The following SGCD variants were observed in gnomAD, a reference collection of about 807,000 sequenced individuals.
SGCD encodes sarcoglycan delta.
SGCD carries 18 observed loss-of-function variants against 36.6 expected under a neutral mutation model. The ratio of observed to expected loss-of-function variants is 0.49; its 90% CI spans 0.34 to 0.73. SGCD has a LOEUF of 0.73. Ranked by LOEUF, SGCD falls within the 30% of genes least tolerant of loss-of-function variation. The pLI, the probability that SGCD is intolerant of heterozygous loss-of-function variation, is 0.01. For missense variants in SGCD, 387 were observed against 346.7 expected, an observed-to-expected ratio of 1.12 and a Z score of -0.92; for synonymous variants, 133 against 130.6, an observed-to-expected ratio of 1.02 and a Z score of -0.12.
chr5:156,129,717 A>G (rs1762264964), intron 3 of SGCD, among the ~76,000 whole-genome samples: 1 of 152,022 alleles, frequency 6.6e-6, no homozygotes. Context: ...TTTAGCTTCC[A>G]CTTATAAGTG....
intron 3 of SGCD, among the ~76,000 whole-genome samples, chr5:156,313,227 G>A (rs1384048971): frequency 1.3e-5 from 2 of 150,716 alleles, no homozygotes; most frequent in African/African-American, 4.9e-5. Flanking sequence ...GTTTCATATG[G>A]TAAAAAAAAA....
intron 1 of SGCD, among the ~76,000 whole-genome samples, chr5:155,939,087 G>A (rs1050740509): frequency 9.2e-5 from 14 of 152,150 alleles, no homozygotes; most frequent in African/African-American, 3.1e-4. Context: ...TTGGTCAAAA[G>A]ATAAAGAATT....
chr5:156,072,792 T>C (rs947626909), intron 1 of SGCD, among the ~76,000 whole-genome samples: 3 of 152,176 alleles, frequency 2.0e-5, no homozygotes, highest in African/African-American at 7.2e-5. Context: ...TTTGGTCTTT[T>C]CACATAGTCC....
intron 5 of SGCD, among the ~76,000 whole-genome samples, chr5:156,592,689 G>A (rs111479338): frequency 1.4e-4 from 21 of 152,136 alleles, no homozygotes; most frequent in South Asian, 2.1e-4. Context: ...AGAGCCCTCC[G>A]CCTTGCCCCC....
At chr5:156,341,456 T>G (rs1419379728) in intron 2 of SGCD, among the ~76,000 whole-genome samples, 1 of 152,186 alleles carries the variant, frequency 6.6e-6, no homozygotes, top group East Asian at 1.9e-4. Context: ...TAGAATCATC[T>G]GGGAGATTTT....
intron 3 of SGCD, among the ~76,000 whole-genome samples, chr5:156,312,364 T>C (rs1175823874): frequency 6.6e-6 from 1 of 152,202 alleles, no homozygotes; most frequent in Non-Finnish European, 1.5e-5. Context: ...CATAAATTTC[T>C]TTACTGATAT....
intron 1 of SGCD, among the ~76,000 whole-genome samples, chr5:155,971,617 G>T (rs1758007635): frequency 6.6e-6 from 1 of 152,074 alleles, no homozygotes; most frequent in South Asian, 2.1e-4. Flanking sequence ...CCTGCCTGCA[G>T]ATGCAATTGA....
intron 7 of SGCD, among the ~76,000 whole-genome samples, chr5:156,650,120 C>G (rs183438077): frequency 6.6e-6 from 1 of 152,236 alleles, no homozygotes; most frequent in African/African-American, 2.4e-5. Flanking sequence ...AGTATTTGCA[C>G]ATGTTATGCT....
chr5:156,343,955 A>AC (rs1292786055), intron 2 of SGCD, among the ~76,000 whole-genome samples: 18 of 151,862 alleles, frequency 1.2e-4, no homozygotes, highest in African/African-American at 2.2e-4. Flanking sequence ...GTCTGTAAGG[A>AC]CCCCCCTTTT....
intron 3 of SGCD, among the ~76,000 whole-genome samples, chr5:156,358,773 A>G (rs1769623275): frequency 6.6e-6 from 1 of 152,254 alleles, no homozygotes; most frequent in African/African-American, 2.4e-5. Context: ...GATGTTAAAA[A>G]TGAAAACTCA....
At chr5:155,930,017 T>C (rs902447739) in intron 1 of SGCD, among the ~76,000 whole-genome samples, 2 of 152,148 alleles carry the variant, frequency 1.3e-5, no homozygotes, top group African/African-American at 2.4e-5. Context: ...CTCCCTGCTT[T>C]TCTGTGCTGA....
intron 3 of SGCD, among the ~76,000 whole-genome samples, chr5:156,377,640 A>C (rs1394348204): frequency 6.6e-6 from 1 of 152,190 alleles, no homozygotes; most frequent in African/African-American, 2.4e-5. Context: ...CCAGCAGTGC[A>C]CTTAGAGATG....
intron 3 of SGCD, among the ~76,000 whole-genome samples, chr5:156,197,417 C>G (rs1764047479): frequency 6.6e-6 from 1 of 151,076 alleles, no homozygotes; most frequent in South Asian, 2.1e-4. Context: ...TGTTGAATTA[C>G]TCCTCCTTCC....
chr5:156,245,701 CACCATGGGGATGCA>C (rs1765422218), intron 3 of SGCD, among the ~76,000 whole-genome samples: 1 of 152,010 alleles, frequency 6.6e-6, no homozygotes, highest in African/African-American at 2.4e-5. Flanking sequence ...CATTAAATAA[CACCATGGGGATGCA>C]ACCAACCAAA....
intron 3 of SGCD, among the ~76,000 whole-genome samples, chr5:156,482,264 C>A (rs150626720): frequency 1.1e-3 from 163 of 151,510 alleles, no homozygotes; most frequent in African/African-American, 3.9e-3. Flanking sequence ...AAATTGAAAT[C>A]CTGAAAAAAA....
At chr5:156,618,767 C>G (rs1421796693) in intron 6 of SGCD, among the ~76,000 whole-genome samples, 1 of 152,048 alleles carries the variant, frequency 6.6e-6, no homozygotes, top group Non-Finnish European at 1.5e-5. Context: ...TTGTTGGGCC[C>G]CACACAGTTT....
chr5:155,854,637 G>C, the SGCD span, among the ~76,000 whole-genome samples: 1 of 152,120 alleles, frequency 6.6e-6, no homozygotes, highest in Non-Finnish European at 1.5e-5. Flanking sequence ...AAAAATGTTT[G>C]TATTGGACAT....
chr5:156,173,272 T>C (rs1252894092), intron 3 of SGCD, among the ~76,000 whole-genome samples: 2 of 152,196 alleles, frequency 1.3e-5, no homozygotes, highest in Admixed American at 6.5e-5. Context: ...ATACCACATG[T>C]GGACTTGCCA....
chr5:156,192,049 A>C (rs1763904543), intron 3 of SGCD, among the ~76,000 whole-genome samples: 1 of 152,212 alleles, frequency 6.6e-6, no homozygotes, highest in African/African-American at 2.4e-5. Flanking sequence ...AAGGAGAAAA[A>C]GACAATAGTC....
Sources: gnomAD v4.1 joint callset for allele counts (sites outside exome capture counted in the v4.1 genomes callset) on GRCh38, gnomAD v4.1.1 for gene constraint, MANE v1.5 for transcripts, NCBI Gene and HGNC (gene_info 2026-07-23, HGNC 2026-07-21) for gene names.